The following HYAL4 variants were observed in gnomAD, a reference collection of about 807,000 sequenced individuals.
HYAL4 encodes hyaluronidase-4.
Under a neutral mutation model 35.2 loss-of-function variants are expected in HYAL4, and 37 were observed. The observed-to-expected ratio is 1.05, with a 90% CI of 0.81 to 1.38. The LOEUF (loss-of-function observed/expected upper bound fraction) is 1.38, where lower values mean the gene tolerates loss of function less well. Among genes scored for constraint, HYAL4 ranks in the 40% most tolerant of loss-of-function variants. The pLI, the probability that HYAL4 is intolerant of heterozygous loss-of-function variation, is 0.00. For synonymous variants in HYAL4, 198 were observed against 203.2 expected (o/e 0.97, Z 0.22); for missense variants, 572 against 572.4 (o/e 1.00, Z 0.01).
chr7:123,803,445 A>G, the HYAL4 span, among the ~76,000 whole-genome samples: 1 of 152,258 alleles, frequency 6.6e-6, no homozygotes, highest in Non-Finnish European at 1.5e-5. Context: ...GGCTTCAGCA[A>G]AGTTGCCTTT....
chr7:123,814,873 G>A, the HYAL4 span: 1 of 147,836 alleles, frequency 6.8e-6, no homozygotes, highest in Admixed American at 6.7e-5. Flanking sequence ...AATACATTTG[G>A]ATAAAATACT....
At chr7:123,837,002 A>T (rs1805975286) in intron 1 of HYAL4, among the ~76,000 whole-genome samples, 1 of 152,096 alleles carries the variant, frequency 6.6e-6, no homozygotes, top group Middle Eastern at 3.2e-3. Context: ...CCTGGGCAAC[A>T]AAGCGAGACT....
chr7:123,869,552 G>T (rs942932710), intron 3 of HYAL4, among the ~76,000 whole-genome samples: 1 of 152,126 alleles, frequency 6.6e-6, no homozygotes, highest in Non-Finnish European at 1.5e-5. Context: ...GAAATGATCG[G>T]CAGTGAGCAG....
At chr7:123,863,467 G>T (rs1806621483) in intron 2 of HYAL4, among the ~76,000 whole-genome samples, 1 of 152,152 alleles carries the variant, frequency 6.6e-6, no homozygotes, top group Non-Finnish European at 1.5e-5. Context: ...CAGTAAGAGG[G>T]TATTAGGAGG....
intron 3 of HYAL4, among the ~76,000 whole-genome samples, chr7:123,871,799 A>G (rs922547798): frequency 2.6e-5 from 4 of 152,172 alleles, no homozygotes; most frequent in South Asian, 2.1e-4. Context: ...CCTATGTGAT[A>G]TGGCTATTAC....
At chr7:123,830,887 T>A (rs1805869819) in intron 1 of HYAL4, among the ~76,000 whole-genome samples, 1 of 152,230 alleles carries the variant, frequency 6.6e-6, no homozygotes, top group African/African-American at 2.4e-5. Flanking sequence ...CTTTTCTACA[T>A]CTGAACCCTG....
chr7:123,801,033 T>TC, the HYAL4 span, among the ~76,000 whole-genome samples: 13 of 152,022 alleles, frequency 8.6e-5, no homozygotes, highest in African/African-American at 2.4e-5. Context: ...TAGAAGTTTT[T>TC]CCCAGGCTTG....
intron 3 of HYAL4, among the ~76,000 whole-genome samples, chr7:123,873,387 C>G (rs1806933369): frequency 7.8e-6 from 1 of 127,472 alleles, no homozygotes; most frequent in South Asian, 2.9e-4. Context: ...TTGAAAGTCA[C>G]AAGACAATTG....
the HYAL4 span, among the ~76,000 whole-genome samples, chr7:123,769,833 A>C: frequency 6.6e-6 from 1 of 152,094 alleles, no homozygotes; most frequent in South Asian, 2.1e-4. Flanking sequence ...AAAAAAAAAA[A>C]AAACACCGTT....
intron 1 of HYAL4, among the ~76,000 whole-genome samples, chr7:123,835,078 A>C (rs1805944588): frequency 1.3e-5 from 2 of 152,048 alleles, no homozygotes; most frequent in African/African-American, 2.4e-5. Flanking sequence ...TTTTGGGATT[A>C]GGGTGATACT....
chr7:123,814,100 T>A, the HYAL4 span: 1 of 152,372 alleles, frequency 6.6e-6, no homozygotes, highest in East Asian at 1.9e-4. Flanking sequence ...TTGCTTATTA[T>A]TTTCAAGGAG....
At chr7:123,834,227 G>C (rs960056341) in intron 1 of HYAL4, among the ~76,000 whole-genome samples, 28 of 151,984 alleles carry the variant, frequency 1.8e-4, no homozygotes, top group African/African-American at 6.8e-4. Flanking sequence ...CATGGGATGT[G>C]TTTCTTTTTG....
chr7:123,855,771 T>C (rs1024414437), intron 2 of HYAL4, among the ~76,000 whole-genome samples: 1 of 152,198 alleles, frequency 6.6e-6, no homozygotes, highest in Non-Finnish European at 1.5e-5. Context: ...GAAGTTCTCC[T>C]GGATAATATC....
intron 1 of HYAL4, among the ~76,000 whole-genome samples, chr7:123,830,958 T>C (rs1805874653): frequency 6.6e-6 from 1 of 152,216 alleles, no homozygotes; most frequent in Admixed American, 6.5e-5. Flanking sequence ...ATGGATTTGC[T>C]AACCTCTTTT....
chr7:123,801,405 G>T, the HYAL4 span, among the ~76,000 whole-genome samples: 1 of 152,036 alleles, frequency 6.6e-6, no homozygotes, highest in Non-Finnish European at 1.5e-5. Context: ...ATCAAAAATA[G>T]GTAAACTATT....
the HYAL4 span, among the ~76,000 whole-genome samples, chr7:123,780,744 G>C: frequency 1.3e-5 from 2 of 150,696 alleles, no homozygotes; most frequent in Non-Finnish European, 3.0e-5. Context: ...TCTGCCTTGA[G>C]ATTCTGTTAA....
intron 2 of HYAL4, among the ~76,000 whole-genome samples, chr7:123,852,362 A>G (rs138305991): frequency 0.012 from 1,843 of 152,166 alleles, 33 homozygotes; most frequent in African/African-American, 0.042. Flanking sequence ...TAGGGTTTTT[A>G]TGGTTTTAGG....
chr7:123,775,329 T>C, the HYAL4 span, among the ~76,000 whole-genome samples: 5 of 152,018 alleles, frequency 3.3e-5, no homozygotes, highest in African/African-American at 7.3e-5. Flanking sequence ...CTCAAGAGGC[T>C]GAGGCGAGAG....
intron 1 of HYAL4, among the ~76,000 whole-genome samples, chr7:123,838,240 CTTTTT>C (rs61344294): frequency 7.7e-6 from 1 of 129,540 alleles, no homozygotes; most frequent in African/African-American, 2.8e-5. Context: ...TTTACAGAGC[CTTTTT>C]TTTTTTTTTT....
Sources: gnomAD v4.1 joint callset for allele counts (sites outside exome capture counted in the v4.1 genomes callset) on GRCh38, gnomAD v4.1.1 for gene constraint, MANE v1.5 for transcripts, NCBI Gene and HGNC (gene_info 2026-07-23, HGNC 2026-07-21) for gene names.